The following PMEPA1 variants were observed in gnomAD, a reference collection of about 807,000 sequenced individuals.
PMEPA1 encodes protein TMEPAI.
Under a neutral mutation model 23.0 loss-of-function variants are expected in PMEPA1, and 11 were observed. The observed-to-expected ratio is 0.48, with a 90% CI of 0.30 to 0.79. PMEPA1 has a LOEUF of 0.79. Ranked by LOEUF, PMEPA1 falls within the 30% of genes least tolerant of loss-of-function variation. The probability of loss-of-function intolerance (pLI) is 0.06; values close to 1 mark genes in which losing one functional copy is unlikely to be tolerated. For synonymous variants in PMEPA1, 204 were observed against 166.4 expected (o/e 1.23, Z -1.74); for missense variants, 377 against 390.9 (o/e 0.96, Z 0.30).
intron 2 of PMEPA1, among the ~76,000 whole-genome samples, chr20:57,654,414 T>G (rs752852369): frequency 6.6e-6 from 1 of 152,098 alleles, no homozygotes; most frequent in Non-Finnish European, 1.5e-5. Context: ...ACCTGCAGCC[T>G]GGGTAGGAAC....
rs1449813658 is a variant in PMEPA1 at position 57,651,842 on chromosome 20, TTTTTC to T, written c.*206_*210del. ...GCTCAACAAAGAAACGTGGTTTTTT[TTTTTC>T]TTTTTTCTTTTTTTTTTTGCAAGCT... On this transcript the variant is annotated 3_prime_UTR_variant, in exon 4 of 4. Transcript: ENST00000341744. 1,015 of 364,752 alleles carry T rather than the reference TTTTTC, an allele frequency of 2.8e-3. 9 individuals are homozygous for T. The highest frequency in any genetic ancestry group is 0.021 in the African/African-American group (947 of 45,014). 22.6% of individuals were successfully genotyped at this position (364,752 alleles called of 1,614,324 possible). A position where few individuals can be genotyped will look rare whatever the true frequency, so the allele number is the denominator to read the frequency against.
At position 57,704,750 on chromosome 20, in the gene PMEPA1, G is replaced by A. The variant is rs950613951; in HGVS notation, c.109+4724C>T. On this transcript the variant is annotated intron_variant, in intron 1 of 3. Coordinates refer to ENST00000341744, the MANE Select transcript of PMEPA1 (RefSeq NM_020182.5). The surrounding 1 kb of genome is among the most constrained non-coding windows in gnomAD (Gnocchi z 4.6). ...TAAACGTTTAAACCCCCTGGCCCTGGGCCACGATGGGAGTGGAGATGGTGG... is the reference window on the plus strand; with the variant it reads ...TAAACGTTTAAACCCCCTGGCCCTGAGCCACGATGGGAGTGGAGATGGTGG... 1.3e-5 allele frequency among the ~76,000 whole-genome samples: 2 copies of A among 152,180 alleles called. No homozygotes were observed. The highest frequency in any genetic ancestry group is 2.9e-5 in the Non-Finnish European group (2 of 68,034).
chr20:57,706,783 C>T (rs959412824), intron 1 of PMEPA1, among the ~76,000 whole-genome samples: 3 of 152,124 alleles, frequency 2.0e-5, no homozygotes, highest in Non-Finnish European at 2.9e-5. Flanking sequence ...AAACTTTCCA[C>T]GGTGGACTTT....
chr20:57,655,297 G>A lies in PMEPA1; in HGVS notation c.265-2211C>T, dbSNP rs527968834. Reference sequence around the variant, plus strand: ...AGGTGTGCTAACCCCAGAGCTCTCCGTTAGCCCCCCAGGCGGGTCAGGCAC... The same window carrying A: ...AGGTGTGCTAACCCCAGAGCTCTCCATTAGCCCCCCAGGCGGGTCAGGCAC... On this transcript the variant is annotated intron_variant, in intron 2 of 3. Transcript: ENST00000341744. This position sits in a 1 kb window ranked among gnomAD's most constrained non-coding sequence, Gnocchi z 4.2. Among the ~76,000 whole-genome samples, 7 of 152,000 alleles carry A rather than the reference G, an allele frequency of 4.6e-5. No homozygotes were observed. Among genetic ancestry groups the A allele is most frequent in the Non-Finnish European group, 8.8e-5 (6 of 68,002 alleles).
At chr20:57,691,470 G>T (rs2071881105) in intron 1 of PMEPA1, among the ~76,000 whole-genome samples, 1 of 152,164 alleles carries the variant, frequency 6.6e-6, no homozygotes, top group South Asian at 2.1e-4. Flanking sequence ...GCTGGTCTAG[G>T]AGGGCGAAGG....
intron 1 of PMEPA1, among the ~76,000 whole-genome samples, chr20:57,686,169 C>T (rs919998494): frequency 7.2e-5 from 11 of 152,160 alleles, no homozygotes; most frequent in African/African-American, 1.2e-4. Context: ...GGTTACACTC[C>T]GGGGCAGCCG....
chr20:57,690,925 T>C (rs2071873996), intron 1 of PMEPA1, among the ~76,000 whole-genome samples: 1 of 152,160 alleles, frequency 6.6e-6, no homozygotes, highest in African/African-American at 2.4e-5. Context: ...TGATAAACGC[T>C]GATGCCTCTA....
Position 57,652,617 on chromosome 20 carries a change from G to A in PMEPA1, c.319-19C>T, listed in dbSNP as rs73302914. On this transcript the variant is annotated intron_variant, in intron 3 of 3. Coordinates refer to ENST00000341744, the MANE Select transcript of PMEPA1 (RefSeq NM_020182.5). The surrounding 1 kb of genome is among the most constrained non-coding windows in gnomAD (Gnocchi z 6.1). ...CCTGCGGCTGGAGGAAGCAGAGCGG[G>A]AGTGAGGGAGGGCGGCTGTCTCAGG... 0.04 allele frequency: 58,501 copies of A among 1,452,288 alleles called. 2,795 individuals are homozygous for A. Among genetic ancestry groups the A allele is most frequent in the African/African-American group, 0.24 (16,828 of 70,284 alleles). The allele number at this position is 1,452,288 out of a possible 1,614,324, so 90.0% of individuals were successfully genotyped here. A position where few individuals can be genotyped will look rare whatever the true frequency, so the allele number is the denominator to read the frequency against.
At chr20:57,676,026 G>GC (rs1007494313) in intron 1 of PMEPA1, among the ~76,000 whole-genome samples, 2 of 152,266 alleles carry the variant, frequency 1.3e-5, no homozygotes, top group African/African-American at 4.8e-5. Flanking sequence ...TTTCGAAGCA[G>GC]CATCTTCCAG....
chr20:57,685,477 C>T (rs990103207), intron 1 of PMEPA1, among the ~76,000 whole-genome samples: 7 of 152,206 alleles, frequency 4.6e-5, no homozygotes, highest in African/African-American at 7.2e-5. Context: ...CGCACAGAGA[C>T]GCGCTGACAA....
Position 57,649,946 on chromosome 20 carries a change from C to T in PMEPA1, c.*2107G>A, listed in dbSNP as rs996621213. On this transcript the variant is annotated 3_prime_UTR_variant, in exon 4 of 4. Transcript: ENST00000341744. ...TACGTTTTAATCATCTTTACAAGTG[C>T]GTCCTTGTACCTTTCGGGATAACCT... 25 of 152,750 alleles carry T rather than the reference C, an allele frequency of 1.6e-4. No individual in the cohort carries two copies. Among genetic ancestry groups the T allele is most frequent in the East Asian group, 5.8e-4 (3 of 5,180 alleles). 9.5% of individuals were successfully genotyped at this position (152,750 alleles called of 1,614,324 possible). A position where few individuals can be genotyped will look rare whatever the true frequency, so the allele number is the denominator to read the frequency against.
In PMEPA1 at chr20:57,652,264, C is replaced by A. The variant is rs997611591; in HGVS notation, c.653G>T (p.Cys218Phe). The A allele has an allele frequency of 6.8e-6, 11 of 1,608,440 alleles. No homozygotes were observed. The highest frequency in any genetic ancestry group is 9.3e-6 in the Non-Finnish European group (11 of 1,179,412). Residue 218 changes from cysteine (C) to phenylalanine (F), a missense_variant, in exon 4 of 4, where the codon TGC becomes TTC. Physicochemically the swap from Cys to Phe is radical, Grantham distance 205. Transcript: ENST00000341744. This position sits in a 1 kb window ranked among gnomAD's most constrained non-coding sequence, Gnocchi z 6.1. ...PSSNSGISAT[C>F]YGSGGRMEGP... ...CTCCATGCGCCCGCCGCTGCCGTAG[C>A]ACGTGGCGCTGATGCCCGAGTTACT...
chr20:57,676,515 A>T (rs1255652676), intron 1 of PMEPA1, among the ~76,000 whole-genome samples: 1 of 152,228 alleles, frequency 6.6e-6, no homozygotes. Flanking sequence ...CTGAGCAGGT[A>T]AATTCAATTT....
intron 1 of PMEPA1, among the ~76,000 whole-genome samples, chr20:57,662,035 T>G (rs1458373725): frequency 6.6e-6 from 1 of 151,130 alleles, no homozygotes; most frequent in Admixed American, 6.6e-5. Flanking sequence ...TGAGCCCGTG[T>G]TTCTCAGCTG....
At chr20:57,710,307 G>C, upstream of PMEPA1, 2 of 766,318 alleles carry the variant, frequency 2.6e-6, no homozygotes, top group South Asian at 5.7e-5. Context: ...CCGCACCCGG[G>C]CGGGTTGCTG....
At chr20:57,681,025 C>T (rs978825281) in intron 1 of PMEPA1, among the ~76,000 whole-genome samples, 2 of 152,192 alleles carry the variant, frequency 1.3e-5, no homozygotes, top group East Asian at 1.9e-4. Context: ...CTGAGAATGT[C>T]AATCTGCAGG....
intron 1 of PMEPA1, among the ~76,000 whole-genome samples, chr20:57,690,915 T>A (rs1046613076): frequency 6.6e-6 from 1 of 152,192 alleles, no homozygotes; most frequent in African/African-American, 2.4e-5. Flanking sequence ...CTACTGCGCC[T>A]GATAAACGCT....
rs546923371 is a variant in PMEPA1 at position 57,696,611 on chromosome 20, C to T, written c.109+12863G>A. 2.6e-4 allele frequency among the ~76,000 whole-genome samples: 40 copies of T among 152,346 alleles called. 1 individual carries two copies. In the South Asian group the frequency reaches 6.6e-3, roughly 25 times the overall value. ...AGGGTTCAAAAAGCCGCGACGTCAC[C>T]GGCAAGAACCCAGAAAAACAAGGAG... On this transcript the variant is annotated intron_variant, in intron 1 of 3. Coordinates refer to ENST00000341744, the MANE Select transcript of PMEPA1 (RefSeq NM_020182.5).
chr20:57,710,507 G>T (rs767296819), upstream of PMEPA1: 1 of 1,598,374 alleles, frequency 6.3e-7, no homozygotes, highest in South Asian at 1.1e-5. Context: ...TTCTCCAGCA[G>T]CTCGGGGATC....
Sources: gnomAD v4.1 joint callset for allele counts (sites outside exome capture counted in the v4.1 genomes callset) on GRCh38, gnomAD v4.1.1 for gene constraint, Gnocchi (gnomAD v3.1) non-coding constraint, MANE v1.5 for transcripts, NCBI Gene and HGNC (gene_info 2026-07-23, HGNC 2026-07-21) for gene names.